Variants in NTN1 observed in about 807,000 individuals in gnomAD.
NTN1 encodes netrin-1.
In NTN1, 11 loss-of-function variants were observed where a neutral mutation model predicts 54.2. The observed-to-expected ratio is 0.20, with a 90% CI of 0.13 to 0.34. The LOEUF (loss-of-function observed/expected upper bound fraction) is 0.34. Among genes scored for constraint, NTN1 ranks in the 10% least tolerant of loss-of-function variants. NTN1 has a pLI of 1.00. For missense variants in NTN1, 740 were observed against 893.1 expected (o/e 0.83, Z 2.18); for synonymous variants, 371 against 382.0 (o/e 0.97, Z 0.33).
Position 9,225,753 on chromosome 17 carries a change from G to A in NTN1, c.1486+4511G>A, listed in dbSNP as rs185044305. Among the ~76,000 whole-genome samples, 1,121 of 152,302 alleles carry A rather than the reference G, an allele frequency of 7.4e-3. 14 individuals are homozygous for A. The highest frequency in any genetic ancestry group is 0.017 in the Middle Eastern group (5 of 294). On this transcript the variant is annotated intron_variant, in intron 6 of 6. Transcript: ENST00000173229. The stretch of plus-strand genomic sequence containing the variant: ...GGGCCGGGCAGGGGCTCCCTCGGAG[G>A]CTGCATAATCCCCGCTCTCTGACTG...
intron 2 of NTN1, among the ~76,000 whole-genome samples, chr17:9,155,052 C>T (rs955957580): frequency 3.3e-5 from 5 of 152,332 alleles, no homozygotes; most frequent in Non-Finnish European, 7.4e-5. Flanking sequence ...GGCAGAATAT[C>T]CCGTCTGTGC....
intron 2 of NTN1, among the ~76,000 whole-genome samples, chr17:9,079,621 A>G (rs73973298): frequency 0.014 from 2,125 of 152,246 alleles, 55 homozygotes; most frequent in African/African-American, 0.048. Flanking sequence ...CCTCCCAGGA[A>G]GTGGTTCCCC....
chr17:9,019,165 C>T (rs1286405012), upstream of NTN1, among the ~76,000 whole-genome samples: 1 of 152,148 alleles, frequency 6.6e-6, no homozygotes, highest in African/African-American at 2.4e-5. Flanking sequence ...ACTTTGTCTC[C>T]CTTCTTAGCT....
chr17:9,021,909 TC>T (rs1235474905), intron 1 of NTN1, among the ~76,000 whole-genome samples: 1 of 152,046 alleles, frequency 6.6e-6, no homozygotes, highest in Non-Finnish European at 1.5e-5. Flanking sequence ...GGGGACGCGA[TC>T]GGGGGGCATC....
At chr17:9,234,661 C>T (rs772540085) in intron 6 of NTN1, among the ~76,000 whole-genome samples, 6 of 152,250 alleles carry the variant, frequency 3.9e-5, no homozygotes, top group African/African-American at 7.2e-5. Flanking sequence ...CTGGGAAGAG[C>T]GTACCCGCTC....
At chr17:9,104,137 T>C (rs911092755) in intron 2 of NTN1, among the ~76,000 whole-genome samples, 1 of 147,666 alleles carries the variant, frequency 6.8e-6, no homozygotes. Flanking sequence ...ATTCCACTTA[T>C]AGGACGCACC....
chr17:9,159,971 G>A (rs72811954), intron 2 of NTN1, among the ~76,000 whole-genome samples: 12,513 of 152,182 alleles, frequency 0.082, 619 homozygotes, highest in African/African-American at 0.13. Flanking sequence ...AAAGGTAGTT[G>A]ACATTTATAA....
At chr17:9,006,389 C>T in the NTN1 span, among the ~76,000 whole-genome samples, 5 of 152,146 alleles carry the variant, frequency 3.3e-5, no homozygotes, top group Non-Finnish European at 7.4e-5. Flanking sequence ...ATCAGATCTT[C>T]GCTGAGGGGG....
intron 2 of NTN1, among the ~76,000 whole-genome samples, chr17:9,023,667 T>C (rs1181859197): frequency 6.6e-6 from 1 of 152,210 alleles, no homozygotes; most frequent in African/African-American, 2.4e-5. Flanking sequence ...TGCAGATAGG[T>C]CTCCGCTAAC....
At chr17:9,019,562 T>C (rs1264136830), upstream of NTN1, among the ~76,000 whole-genome samples, 1 of 152,262 alleles carries the variant, frequency 6.6e-6, no homozygotes, top group Non-Finnish European at 1.5e-5. Context: ...TATGTATGTC[T>C]ATATCCCATC....
In NTN1 at chr17:9,071,302, G is replaced by C. The variant is rs539612799; in HGVS notation, c.1018+47911G>C. ...TCCATGTTTCTCAAGCATTTAAAGG[G>C]AAGCCTCTGGAACCACCGTGTTAAG... On this transcript the variant is annotated intron_variant, in intron 2 of 6. Coordinates refer to ENST00000173229, the MANE Select transcript of NTN1 (RefSeq NM_004822.3). 9.2e-5 allele frequency among the ~76,000 whole-genome samples: 14 copies of C among 152,116 alleles called. No homozygotes were observed. The South Asian group carries it at 2.9e-3, about 32-fold the overall frequency.
intron 2 of NTN1, among the ~76,000 whole-genome samples, chr17:9,085,472 G>C (rs752085010): frequency 8.5e-5 from 13 of 152,234 alleles, no homozygotes; most frequent in Non-Finnish European, 1.5e-4. Context: ...GGTATCCTGG[G>C]AAGTATGGTC....
chr17:9,074,537 A>G (rs947709705), intron 2 of NTN1, among the ~76,000 whole-genome samples: 3 of 152,158 alleles, frequency 2.0e-5, no homozygotes, highest in African/African-American at 7.2e-5. Flanking sequence ...TGGAGCTGAC[A>G]TTTTTGTTTT....
chr17:9,154,954 G>A (rs2092337100), intron 2 of NTN1, among the ~76,000 whole-genome samples: 1 of 152,032 alleles, frequency 6.6e-6, no homozygotes, highest in African/African-American at 2.4e-5. Flanking sequence ...CTTTTCCATT[G>A]AGTTCCAGTT....
chr17:9,068,736 G>A (rs2092023579), intron 2 of NTN1, among the ~76,000 whole-genome samples: 1 of 152,102 alleles, frequency 6.6e-6, no homozygotes, highest in Non-Finnish European at 1.5e-5. Flanking sequence ...TCGAACTCCT[G>A]ACCTTAGATG....
chr17:9,086,038 C>T (rs960189430), intron 2 of NTN1, among the ~76,000 whole-genome samples: 30 of 152,120 alleles, frequency 2.0e-4, no homozygotes, highest in Admixed American at 4.6e-4. Context: ...TCGTTTCTGC[C>T]CCAATTGATA....
upstream of NTN1, among the ~76,000 whole-genome samples, chr17:9,020,405 G>C (rs1244172264): frequency 1.3e-5 from 2 of 152,208 alleles, no homozygotes; most frequent in African/African-American, 2.4e-5. Flanking sequence ...CTTTTTATTG[G>C]GGCGATGGAG....
rs1905130653 is a variant in NTN1 at position 9,212,509 on chromosome 17, C to T, written c.1412-8659C>T. Among the ~76,000 whole-genome samples the T allele has an allele frequency of 6.6e-6, 1 of 152,228 alleles. No homozygotes were observed. Among genetic ancestry groups the T allele is most frequent in the East Asian group, 1.9e-4 (1 of 5,200 alleles). On this transcript the variant is annotated intron_variant, in intron 5 of 6. Transcript: ENST00000173229. The surrounding 1 kb of genome is among the most constrained non-coding windows in gnomAD (Gnocchi z 5.5). Reference sequence around the variant, plus strand: ...TTCTGGGCAGACTGGCCTCATTTGCCTTTTGTCACCTGCTGGTGGGCAGAA... The same window carrying T: ...TTCTGGGCAGACTGGCCTCATTTGCTTTTTGTCACCTGCTGGTGGGCAGAA...
intron 2 of NTN1, among the ~76,000 whole-genome samples, chr17:9,144,214 G>C (rs908685157): frequency 6.6e-6 from 1 of 151,232 alleles, no homozygotes. Context: ...CTTTTATATC[G>C]ATCTCCCCAT....
Sources: allele counts gnomAD v4.1 joint callset (sites outside exome capture counted in the v4.1 genomes callset), GRCh38; gene constraint gnomAD v4.1.1; non-coding constraint Gnocchi (gnomAD v3.1); transcripts MANE v1.5; gene names NCBI Gene and HGNC (gene_info 2026-07-23, HGNC 2026-07-21).